INTS8: variants seen among roughly 807,000 people sequenced by gnomAD.
INTS8 encodes integrator complex subunit 8, also known as protein kaonashi-1.
A neutral mutation model predicts 138.9 loss-of-function variants in INTS8; 47 were observed. That is an observed-to-expected ratio of 0.34 (90% CI 0.27 to 0.43). INTS8 has a LOEUF of 0.43. INTS8 is among the 20% of genes least tolerant of loss of function. INTS8 has a pLI of 1.00. For missense variants in INTS8, 996 were observed against 1,173.0 expected (o/e 0.85, Z 2.20); for synonymous variants, 392 against 400.9 (o/e 0.98, Z 0.27).
intron 26 of INTS8, 61 bp downstream of exon 26, chr8:94,876,550 G>T (rs1184375142): frequency 2.9e-6 from 3 of 1,040,502 alleles, no homozygotes; most frequent in Non-Finnish European, 4.2e-6. Flanking sequence ...CAATTGTTAA[G>T]ATGTGAACCA....
chr8:94,869,606 C>T (rs111716501), intron 20 of INTS8, among the ~76,000 whole-genome samples: 20,702 of 152,106 alleles, frequency 0.14, 1,510 homozygotes, highest in Middle Eastern at 0.18. Flanking sequence ...AATTCTCCTG[C>T]CTCAGCCTCC....
chr8:94,851,187 A>G (rs376281228), intron 12 of INTS8, among the ~76,000 whole-genome samples: 1 of 152,190 alleles, frequency 6.6e-6, no homozygotes, highest in South Asian at 2.1e-4. Context: ...CATTTTATAT[A>G]TGCTTCTGTT....
intron 14 of INTS8, among the ~76,000 whole-genome samples, chr8:94,854,692 A>AT (rs1194653640): frequency 6.6e-6 from 1 of 152,168 alleles, no homozygotes; most frequent in Non-Finnish European, 1.5e-5. Context: ...TGAGGCTTAA[A>AT]TAAGTTAACT....
At chr8:94,878,679 C>T (rs1331932654) in intron 26 of INTS8, among the ~76,000 whole-genome samples, 1 of 152,144 alleles carries the variant, frequency 6.6e-6, no homozygotes, top group African/African-American at 2.4e-5. Flanking sequence ...CCTCCACCTC[C>T]AGCCCCCTCA....
chr8:94,838,740 G>A, intron 8 of INTS8, 122 bp downstream of exon 8: 1 of 656,656 alleles, frequency 1.5e-6, no homozygotes, highest in Non-Finnish European at 2.7e-6. Context: ...TGTCATACTG[G>A]CCTGTAACAT....
chr8:94,846,168 T>C (rs1334017715), intron 10 of INTS8, among the ~76,000 whole-genome samples: 1 of 152,250 alleles, frequency 6.6e-6, no homozygotes, highest in African/African-American at 2.4e-5. Flanking sequence ...CAACTTTGCT[T>C]AGCTTTTAAA....
At chr8:94,859,207 G>T (rs969838927) in intron 15 of INTS8, among the ~76,000 whole-genome samples, 1 of 151,686 alleles carries the variant, frequency 6.6e-6, no homozygotes, top group African/African-American at 2.4e-5. Context: ...CTTGAGCCTG[G>T]GAGCTCAAGG....
chr8:94,861,283 A>T (rs1315109744), intron 16 of INTS8, among the ~76,000 whole-genome samples: 1 of 7,248 alleles, frequency 1.4e-4, no homozygotes, highest in Non-Finnish European at 2.5e-4. Flanking sequence ...TTTTTTTGAG[A>T]CGGAGTCTCG....
At chr8:94,862,506 A>G (rs182019838) in intron 16 of INTS8, among the ~76,000 whole-genome samples, 6 of 152,336 alleles carry the variant, frequency 3.9e-5, no homozygotes, top group Admixed American at 3.3e-4. Context: ...TGTTTGTGTA[A>G]TGAATGCTTG....
At position 94,871,952 on chromosome 8, in the gene INTS8, T is replaced by G; in HGVS notation, c.2483T>G (p.Ile828Arg). 6.2e-7 allele frequency: 1 copy of G among 1,606,202 alleles called. No individual in the cohort carries two copies. Among genetic ancestry groups the G allele is most frequent in the Middle Eastern group, 1.7e-4 (1 of 6,040 alleles). Reference sequence around the variant, plus strand: ...GAGCTAGTTCGATATACACTCAGTATAAATCCAAATAACCATTCTTGGTTA... The same window carrying G: ...GAGCTAGTTCGATATACACTCAGTAGAAATCCAAATAACCATTCTTGGTTA... Reference protein sequence around the residue: ...VKELVRYTLSINPNNHSWLII... With the variant: ...VKELVRYTLSRNPNNHSWLII... Residue 828 changes from isoleucine (I) to arginine (R), a missense_variant, in exon 21 of 27, where the codon ATA becomes AGA. Physicochemically the swap from Ile to Arg is moderately conservative, Grantham distance 97. Transcript: ENST00000523731.
At chr8:94,876,547 T>A in intron 26 of INTS8, 58 bp downstream of exon 26, 1 of 1,102,898 alleles carries the variant, frequency 9.1e-7, no homozygotes. Context: ...AAACAATTGT[T>A]AAGATGTGAA....
In INTS8 at chr8:94,856,794, A is replaced by G. The variant is rs777957478; in HGVS notation, c.1770A>G (p.Lys590=). Residue 590 remains lysine (K), a synonymous_variant, in exon 15 of 27, where the codon AAA becomes AAG. Coordinates refer to ENST00000523731, the MANE Select transcript of INTS8 (RefSeq NM_017864.4). ...TTTCATAGGACTTTTCCCATGCTAA[A>G]CAGCTCTTTGCTGCTTGTTTGGAGT... ...CSTVKDFSHA[K]QLFAACLELV... 1 of 1,614,152 alleles carries G rather than the reference A, an allele frequency of 6.2e-7. No individual in the cohort carries two copies. The highest frequency in any genetic ancestry group is 8.5e-7 in the Non-Finnish European group (1 of 1,180,026).
At chr8:94,854,824 TG>T (rs1815685468) in intron 14 of INTS8, among the ~76,000 whole-genome samples, 1 of 151,978 alleles carries the variant, frequency 6.6e-6, no homozygotes, top group Non-Finnish European at 1.5e-5. Flanking sequence ...CTCGACTTCC[TG>T]GGCTCAAGCA....
intron 16 of INTS8, among the ~76,000 whole-genome samples, chr8:94,861,047 ACT>A (rs959690649): frequency 1.6e-5 from 2 of 123,566 alleles, no homozygotes; most frequent in African/African-American, 3.2e-5. Flanking sequence ...ACAGAGTGAG[ACT>A]CTGTCTCAAA....
At chr8:94,878,687 T>G (rs1228218917) in intron 26 of INTS8, among the ~76,000 whole-genome samples, 1 of 152,154 alleles carries the variant, frequency 6.6e-6, no homozygotes, top group Non-Finnish European at 1.5e-5. Flanking sequence ...TCCAGCCCCC[T>G]CAGCCCTCTC....
In INTS8 at chr8:94,836,219, A is replaced by G. The variant is rs543468497; in HGVS notation, c.754-305A>G. Among the ~76,000 whole-genome samples, 4 of 152,250 alleles carry G rather than the reference A, an allele frequency of 2.6e-5. No individual in the cohort carries two copies. In the East Asian group the frequency reaches 5.8e-4, roughly 22 times the overall value. ...TACTGTTGAGATTCTTCACCAGACT[A>G]GTGTTGGCTCTCATCCTGACTGCAT... On this transcript the variant is annotated intron_variant, in intron 6 of 26. Transcript: ENST00000523731.
rs1210530804 is a variant in INTS8, at chr8:94,861,256, A to ATTTTTTTTTTTTTTTTTTTT, written c.2076+1628_2076+1647dup. On this transcript the variant is annotated intron_variant, in intron 16 of 26. Transcript: ENST00000523731. ...CTTCAGTTTTTCCCCCCTTTTTGTA[A>ATTTTTTTTTTTTTTTTTTTT]TTTTTTTTTTTTTTTTTTTTTTTGA... is the stretch of plus-strand genomic sequence containing the variant. Among the ~76,000 whole-genome samples, 6 of 57,388 alleles carry ATTTTTTTTTTTTTTTTTTTT rather than the reference A, an allele frequency of 1.0e-4. 1 individual carries two copies. The highest frequency in any genetic ancestry group is 5.6e-4 in the Admixed American group (2 of 3,584). 37.6% of individuals were successfully genotyped at this position (57,388 alleles called of 152,430 possible). A position where few individuals can be genotyped will look rare whatever the true frequency, so the allele number is the denominator to read the frequency against.
At position 94,823,575 on chromosome 8, in the gene INTS8, C is replaced by T. The variant is rs576055249; in HGVS notation, c.130+14C>T. 2 of 1,549,644 alleles carry T rather than the reference C, an allele frequency of 1.3e-6. No homozygotes were observed. Among genetic ancestry groups the T allele is most frequent in the Non-Finnish European group, 1.7e-6 (2 of 1,146,704 alleles). On this transcript the variant is annotated intron_variant, in intron 1 of 26. Transcript: ENST00000523731. ...AGCCCTGCCCGGGTGAGCGCGGCGC[C>T]TGCACCTGGGGAGCGGGACCCGGCC... is the stretch of plus-strand genomic sequence containing the variant.
At chr8:94,853,655 G>A (rs1815634920) in intron 13 of INTS8, 150 bp from the exon 14 acceptor site, 2 of 522,384 alleles carry the variant, frequency 3.8e-6, no homozygotes, top group South Asian at 2.5e-5. Flanking sequence ...TTTCGTTAGT[G>A]TTATATTATG....
Sources: gnomAD v4.1 joint callset for allele counts (sites outside exome capture counted in the v4.1 genomes callset) on GRCh38, gnomAD v4.1.1 for gene constraint, MANE v1.5 for transcripts, NCBI Gene and HGNC (gene_info 2026-07-23, HGNC 2026-07-21) for gene names.